Variants in PKIG observed in about 807,000 individuals in gnomAD.
The protein encoded by PKIG is cAMP-dependent protein kinase inhibitor gamma, also known as protein kinase (cAMP-dependent, catalytic) inhibitor gamma.
Under a neutral mutation model 6.8 loss-of-function variants are expected in PKIG, and 1 was observed. The ratio of observed to expected loss-of-function variants is 0.15; its 90% CI spans 0.05 to 0.69. PKIG has a LOEUF of 0.69. Among genes scored for constraint, PKIG ranks in the 30% least tolerant of loss-of-function variants. The pLI, the probability that PKIG is intolerant of heterozygous loss-of-function variation, is 0.82. For synonymous variants in PKIG, 39 were observed against 43.0 expected, an observed-to-expected ratio of 0.91 and a Z score of 0.36; for missense variants, 77 against 104.0, an observed-to-expected ratio of 0.74 and a Z score of 1.13.
intron 1 of PKIG, among the ~76,000 whole-genome samples, chr20:44,570,590 G>A (rs1307909788): frequency 1.3e-5 from 2 of 152,130 alleles, no homozygotes; most frequent in Non-Finnish European, 2.9e-5. Flanking sequence ...GCCTCATATG[G>A]CTGTGAAGAT....
At chr20:44,579,984 T>A (rs2064933800), upstream of PKIG, among the ~76,000 whole-genome samples, 1 of 152,118 alleles carries the variant, frequency 6.6e-6, no homozygotes, top group Non-Finnish European at 1.5e-5. Flanking sequence ...GCCTTACAGC[T>A]CTGGGTGGGC....
At chr20:44,544,034 G>A (rs2064587615) in intron 1 of PKIG, among the ~76,000 whole-genome samples, 2 of 147,920 alleles carry the variant, frequency 1.4e-5, no homozygotes, top group South Asian at 2.1e-4. Context: ...ACTGCACTCC[G>A]ACCTGGGCAA....
intron 3 of PKIG, among the ~76,000 whole-genome samples, chr20:44,617,663 A>T (rs1268414294): frequency 6.6e-6 from 1 of 152,054 alleles, no homozygotes; most frequent in East Asian, 1.9e-4. Context: ...CACACACCCC[A>T]TGATGCACGG....
At chr20:44,536,397 G>A (rs945783433) in intron 1 of PKIG, among the ~76,000 whole-genome samples, 2 of 152,124 alleles carry the variant, frequency 1.3e-5, no homozygotes, top group African/African-American at 2.4e-5. Flanking sequence ...AAATGAGGAA[G>A]TATCTTCTTT....
intron 1 of PKIG, among the ~76,000 whole-genome samples, chr20:44,569,724 A>T (rs2064839199): frequency 6.6e-6 from 1 of 152,166 alleles, no homozygotes; most frequent in South Asian, 2.1e-4. Context: ...CTCCTGCTTC[A>T]GCCTCCCAAG....
At chr20:44,563,777 C>T (rs575819472) in intron 1 of PKIG, among the ~76,000 whole-genome samples, 1 of 152,186 alleles carries the variant, frequency 6.6e-6, no homozygotes, top group African/African-American at 2.4e-5. Flanking sequence ...GTGATCCTTC[C>T]ACCTCAGCCT....
At chr20:44,578,209 T>C (rs919011792), upstream of PKIG, among the ~76,000 whole-genome samples, 1 of 150,002 alleles carries the variant, frequency 6.7e-6, no homozygotes, top group Non-Finnish European at 1.5e-5. Flanking sequence ...GGCATGGTGG[T>C]GGGCGCCTGT....
intron 1 of PKIG, among the ~76,000 whole-genome samples, chr20:44,549,563 A>G (rs555855445): frequency 6.6e-6 from 1 of 152,282 alleles, no homozygotes; most frequent in South Asian, 2.1e-4. Context: ...TGTGGCTCAC[A>G]CCTATAATCG....
rs1417750012 is a variant in PKIG at position 44,575,275 on chromosome 20, A to G, written c.-240-7310A>G. Among the ~76,000 whole-genome samples the G allele has an allele frequency of 2.6e-5, 4 of 152,078 alleles. No individual in the cohort carries two copies. In the East Asian group the frequency reaches 7.7e-4, roughly 29 times the overall value. On this transcript the variant is annotated intron_variant, in intron 1 of 4. Coordinates refer to the PKIG transcript ENST00000372887. ...TGGCCGTCACCCACGCTGGAGTGCAATGGCATGATCTCGGCTCACTGCAAC... is the reference window on the plus strand; with the variant it reads ...TGGCCGTCACCCACGCTGGAGTGCAGTGGCATGATCTCGGCTCACTGCAAC...
chr20:44,600,016 C>T (rs1048599201), intron 2 of PKIG, among the ~76,000 whole-genome samples: 1 of 152,154 alleles, frequency 6.6e-6, no homozygotes, highest in Non-Finnish European at 1.5e-5. Flanking sequence ...AGCCCCATGT[C>T]AGGTCCTAGA....
chr20:44,568,934 C>T (rs373170320), intron 1 of PKIG, among the ~76,000 whole-genome samples: 10 of 152,258 alleles, frequency 6.6e-5, no homozygotes, highest in East Asian at 1.9e-4. Flanking sequence ...TAAGTCAAGT[C>T]TTTGCACACA....
At chr20:44,561,336 CAAAA>C (rs906391101) in intron 1 of PKIG, among the ~76,000 whole-genome samples, 1 of 140,730 alleles carries the variant, frequency 7.1e-6, no homozygotes, top group African/African-American at 2.6e-5. Context: ...GACTCCGTCT[CAAAA>C]AAAAAAAGTC....
In PKIG at chr20:44,618,507, T is replaced by G; in HGVS notation, c.*143T>G. 1.6e-6 allele frequency: 1 copy of G among 641,648 alleles called. No homozygotes were observed. The highest frequency in any genetic ancestry group is 1.7e-5 in the South Asian group (1 of 57,420). The allele number at this position is 641,648 out of a possible 1,614,324, so 39.7% of individuals were successfully genotyped here. A position where few individuals can be genotyped will look rare whatever the true frequency, so the allele number is the denominator to read the frequency against. On this transcript the variant is annotated 3_prime_UTR_variant, in exon 4 of 4. Coordinates refer to ENST00000372886, the MANE Select transcript of PKIG (RefSeq NM_001281445.2). The stretch of plus-strand genomic sequence containing the variant: ...AGACTGAGAAGGCTCCCCAGAGGCC[T>G]CTGTGGCCTCCACTCCGGGAAAGCC...
intron 1 of PKIG, among the ~76,000 whole-genome samples, chr20:44,542,571 A>AT (rs921694065): frequency 5.5e-4 from 83 of 151,096 alleles, no homozygotes; most frequent in African/African-American, 1.8e-3. Flanking sequence ...TAGTGGCCAT[A>AT]TTTTTTTTTA....
intron 1 of PKIG, among the ~76,000 whole-genome samples, chr20:44,553,460 G>A (rs376727310): frequency 3.9e-5 from 6 of 152,124 alleles, no homozygotes; most frequent in African/African-American, 1.4e-4. Context: ...GGAAACCCAA[G>A]CAGTATTAGA....
intron 1 of PKIG, among the ~76,000 whole-genome samples, chr20:44,562,601 CAAA>C (rs1191493549): frequency 5.2e-5 from 3 of 57,894 alleles, no homozygotes; most frequent in Non-Finnish European, 7.1e-5. Context: ...GACCCTGTCT[CAAA>C]AAAAAAAAAA....
At chr20:44,557,596 G>A (rs547470837) in intron 1 of PKIG, among the ~76,000 whole-genome samples, 1 of 149,618 alleles carries the variant, frequency 6.7e-6, no homozygotes, top group Non-Finnish European at 1.5e-5. Context: ...TGAGGTGGGT[G>A]GATCACAAGG....
At chr20:44,569,546 CTG>C (rs1023043660) in intron 1 of PKIG, among the ~76,000 whole-genome samples, 19 of 152,268 alleles carry the variant, frequency 1.2e-4, no homozygotes, top group East Asian at 7.7e-4. Context: ...ACTTCCAAAA[CTG>C]TAAATAAAAT....
intron 1 of PKIG, among the ~76,000 whole-genome samples, chr20:44,570,241 A>C (rs1386046219): frequency 6.6e-6 from 1 of 152,234 alleles, no homozygotes; most frequent in Non-Finnish European, 1.5e-5. Flanking sequence ...CTTGTTTACC[A>C]AAACGTAAAC....
Sources: allele counts gnomAD v4.1 joint callset (sites outside exome capture counted in the v4.1 genomes callset), GRCh38; gene constraint gnomAD v4.1.1; transcripts MANE v1.5; gene names NCBI Gene and HGNC (gene_info 2026-07-23, HGNC 2026-07-21).